The following DNAAF8 variants were observed in gnomAD, a reference collection of about 807,000 sequenced individuals.
The protein encoded by DNAAF8 is dynein axonemal assembly factor 8.
DNAAF8 carries 61 observed loss-of-function variants against 54.6 expected under a neutral mutation model. That is an observed-to-expected ratio of 1.12 (90% confidence interval 0.91 to 1.38). The LOEUF (loss-of-function observed/expected upper bound fraction) is 1.38. DNAAF8 is among the 40% of genes most tolerant of loss of function. The pLI is 0.00. For missense variants in DNAAF8, 837 were observed against 665.0 expected, an observed-to-expected ratio of 1.26 and a Z score of -2.85; for synonymous variants, 320 against 270.1, an observed-to-expected ratio of 1.18 and a Z score of -1.81.
intron 6 of DNAAF8, among the ~76,000 whole-genome samples, chr16:4,745,250 C>T (rs2081999878): frequency 6.6e-6 from 1 of 152,190 alleles, no homozygotes; most frequent in African/African-American, 2.4e-5. Flanking sequence ...CCCTCAAGTA[C>T]CTGCTCTTTC....
In DNAAF8 at chr16:4,747,596, GC is replaced by G; in HGVS notation, c.1537del (p.Leu513Ter). 6.2e-7 allele frequency: 1 copy of G among 1,609,938 alleles called. No homozygotes were observed. Among genetic ancestry groups the G allele is most frequent in the South Asian group, 1.1e-5 (1 of 90,866 alleles). On this transcript the variant is annotated frameshift_variant, in exon 9 of 10. Transcript: ENST00000299320. LOFTEE classifies it high-confidence loss of function. ...TCCTGAGCCAGGGGCAGCCAGGGAG[GC>G]CCTGATGCCTCCTCTGGAGCAACTA... is the stretch of plus-strand genomic sequence containing the variant. ...DVPEPGAAREALMPPLEQL is the reference protein window; with the variant it reads ...DVPEPGAAREXLMPPLEQL
chr16:4,747,677 A>G lies in DNAAF8; in HGVS notation c.*9+43A>G, dbSNP rs751958212. ...GTGGGCAGGGGCGGGCTGACTTGCCATGGACCCTGGGCCCCGGTGTCCCCT... is the reference window on the plus strand; with the variant it reads ...GTGGGCAGGGGCGGGCTGACTTGCCGTGGACCCTGGGCCCCGGTGTCCCCT... On this transcript the variant is annotated intron_variant, in intron 9 of 9. Coordinates refer to ENST00000299320, the MANE Select transcript of DNAAF8 (RefSeq NM_139170.3). 6.5e-6 allele frequency: 10 copies of G among 1,544,372 alleles called. No individual in the cohort carries two copies. In the South Asian group the frequency reaches 1.1e-4, roughly 17 times the overall value.
chr16:4,737,385 A>T (rs984474238), intron 2 of DNAAF8, among the ~76,000 whole-genome samples: 1 of 152,116 alleles, frequency 6.6e-6, no homozygotes, highest in Non-Finnish European at 1.5e-5. Flanking sequence ...ATGAGCCCCA[A>T]CCCCTTCAAG....
Position 4,736,497 on chromosome 16 carries a change from C to A in DNAAF8, c.-18C>A. ...GGATTATGGTGCACTGAGAAGGCAT[C>A]TGGAAGCCTGGGCCCTCATGGCATC... On this transcript the variant is annotated 5_prime_UTR_variant, in exon 2 of 10. In the 5' UTR this introduces an upstream ATG that the reference lacks. Coordinates refer to ENST00000299320, the MANE Select transcript of DNAAF8 (RefSeq NM_139170.3). 4 of 1,529,574 alleles carry A rather than the reference C, an allele frequency of 2.6e-6. No homozygotes were observed. Among genetic ancestry groups the A allele is most frequent in the Middle Eastern group, 1.7e-4 (1 of 5,756 alleles). The allele number at this position is 1,529,574 out of a possible 1,614,324, so 94.8% of individuals were successfully genotyped here. A position where few individuals can be genotyped will look rare whatever the true frequency, so the allele number is the denominator to read the frequency against.
rs559705898 is a variant in DNAAF8, at chr16:4,744,970, C to G, written c.1002C>G (p.Ala334=). The change falls in exon 6 of 10, where the codon GCC becomes GCG. Residue 334 remains alanine (A), a synonymous_variant. Transcript: ENST00000299320. ...CTGCTTGTGCCCGGAAGGTGCCTGC[C>G]GACACTCCCCAGGACACCAAAGAGG... is the stretch of plus-strand genomic sequence containing the variant. ...KASACARKVP[A]DTPQDTKEAD... is the part of the protein sequence containing the mutation. 8.1e-6 allele frequency: 13 copies of G among 1,613,832 alleles called. No individual in the cohort carries two copies. The highest frequency in any genetic ancestry group is 2.2e-5 in the East Asian group (1 of 44,886).
At position 4,736,507 on chromosome 16, in the gene DNAAF8, G is replaced by C. The variant is rs770196023; in HGVS notation, c.-8G>C. 1 of 1,540,970 alleles carries C rather than the reference G, an allele frequency of 6.5e-7. No homozygotes were observed. Among genetic ancestry groups the C allele is most frequent in the Non-Finnish European group, 8.8e-7 (1 of 1,134,828 alleles). ...GCACTGAGAAGGCATCTGGAAGCCTGGGCCCTCATGGCATCCAACGATAAA... is the reference window on the plus strand; with the variant it reads ...GCACTGAGAAGGCATCTGGAAGCCTCGGCCCTCATGGCATCCAACGATAAA... On this transcript the variant is annotated 5_prime_UTR_variant, in exon 2 of 10. Transcript: ENST00000299320.
chr16:4,746,864 C>A, intron 7 of DNAAF8, 63 bp from the exon 8 acceptor site: 1 of 1,429,314 alleles, frequency 7.0e-7, no homozygotes, highest in Non-Finnish European at 9.3e-7. Flanking sequence ...GCTTCAAGCC[C>A]CAACAAGAGT....
At chr16:4,735,422 A>T (rs1021685835) in intron 1 of DNAAF8, among the ~76,000 whole-genome samples, 1 of 151,864 alleles carries the variant, frequency 6.6e-6, no homozygotes, top group African/African-American at 2.4e-5. Context: ...CCCAATTCAC[A>T]TCTCCTGCCG....
Position 4,745,001 on chromosome 16 carries a change from T to A in DNAAF8, c.1033T>A (p.Ser345Thr). 1 of 1,613,310 alleles carries A rather than the reference T, an allele frequency of 6.2e-7. No homozygotes were observed. Among genetic ancestry groups the A allele is most frequent in the Non-Finnish European group, 8.5e-7 (1 of 1,179,424 alleles). The change falls in exon 6 of 10, where the codon TCA (serine) becomes ACA (threonine). Residue 345 changes from serine (S) to threonine (T), a missense_variant. By Grantham distance (58) the Ser-to-Thr change is moderately conservative (BLOSUM62 1). Transcript: ENST00000299320. ...TCCCCAGGACACCAAAGAGGCAGATTCAGGAAGCAGGTGGGACTTGTAGCC... is the reference window on the plus strand; with the variant it reads ...TCCCCAGGACACCAAAGAGGCAGATACAGGAAGCAGGTGGGACTTGTAGCC... The part of the protein sequence containing the change: ...DTPQDTKEAD[S>T]GSRCASRKQG...
intron 4 of DNAAF8, among the ~76,000 whole-genome samples, chr16:4,740,896 A>G (rs1363568468): frequency 1.3e-5 from 2 of 152,012 alleles, no homozygotes; most frequent in East Asian, 3.9e-4. Flanking sequence ...TTAAAGAGAG[A>G]AAAGGAGGCC....
Position 4,740,149 on chromosome 16 carries a change from A to C in DNAAF8, c.277-4A>C. Reference sequence around the variant, plus strand: ...CTAACTGAACATACCTGTTTTCTTGACAGCCAGTTCTGGTGCCTGCAGAAT... The same window carrying C: ...CTAACTGAACATACCTGTTTTCTTGCCAGCCAGTTCTGGTGCCTGCAGAAT... On this transcript the variant is annotated splice_region_variant and splice_polypyrimidine_tract_variant and intron_variant, in intron 3 of 9. Coordinates refer to ENST00000299320, the MANE Select transcript of DNAAF8 (RefSeq NM_139170.3). 1 of 1,587,606 alleles carries C rather than the reference A, an allele frequency of 6.3e-7. No individual in the cohort carries two copies. Among genetic ancestry groups the C allele is most frequent in the Non-Finnish European group, 8.6e-7 (1 of 1,164,790 alleles).
chr16:4,741,629 G>C (rs2081962232), intron 4 of DNAAF8, among the ~76,000 whole-genome samples: 4 of 152,030 alleles, frequency 2.6e-5, no homozygotes, highest in Non-Finnish European at 5.9e-5. Context: ...GTGAAACCGT[G>C]ACTCTATTAA....
At position 4,734,601 on chromosome 16, in the gene DNAAF8, G is replaced by C. The variant is rs1428583688; in HGVS notation, c.-149G>C. The stretch of plus-strand genomic sequence containing the variant: ...GAAGAAGGGGACAGCCTCTGTACCT[G>C]CGGCGCGGCCCGAGGGGCGGACGCG... On this transcript the variant is annotated 5_prime_UTR_variant, in exon 1 of 10. Coordinates refer to ENST00000299320, the MANE Select transcript of DNAAF8 (RefSeq NM_139170.3). 6.6e-6 allele frequency: 1 copy of C among 152,398 alleles called. No individual in the cohort carries two copies. Among genetic ancestry groups the C allele is most frequent in the Non-Finnish European group, 1.5e-5 (1 of 68,198 alleles). 9.4% of individuals were successfully genotyped at this position (152,398 alleles called of 1,614,324 possible).
chr16:4,739,265 G>GTTTTTTTTTTTTTTTTTTTTTTTTTTTT lies in DNAAF8; in HGVS notation c.277-867_277-866insTTTTTTTTTTTTTTTTTTTTTTTTTTTT, dbSNP rs35113323. Among the ~76,000 whole-genome samples, 28 of 69,044 alleles carry GTTTTTTTTTTTTTTTTTTTTTTTTTTTT rather than the reference G, an allele frequency of 4.1e-4. 7 individuals carry two copies. The highest frequency in any genetic ancestry group is 1.7e-3 in the East Asian group (3 of 1,780). The allele number at this position is 69,044 out of a possible 152,430, so 45.3% of individuals were successfully genotyped here. Reference sequence around the variant, plus strand: ...AAACTCTTCTGGATGATTTTTTCTTGTTTTTTTTTTTTTTTTTTTTTGTAA... The same window carrying GTTTTTTTTTTTTTTTTTTTTTTTTTTTT: ...AAACTCTTCTGGATGATTTTTTCTTGTTTTTTTTTTTTTTTTTTTTTTTTTTTTTTTTTTTTTTTTTTTTTTTTTGTAA... On this transcript the variant is annotated intron_variant, in intron 3 of 9. Transcript: ENST00000299320.
chr16:4,745,789 A>G (rs1301935556), intron 6 of DNAAF8, among the ~76,000 whole-genome samples: 2 of 152,044 alleles, frequency 1.3e-5, no homozygotes, highest in Non-Finnish European at 2.9e-5. Context: ...CATCTCTACT[A>G]AAAACACAAA....
In DNAAF8 at chr16:4,737,934, G is replaced by C. The variant is rs17137215; in HGVS notation, c.264G>C (p.Glu88Asp). The C allele has an allele frequency of 0.015, 23,819 of 1,614,170 alleles. 2,233 individuals carry two copies. In the East Asian group the frequency reaches 0.23, roughly 15 times the overall value. The change falls in exon 3 of 10, where the codon GAG becomes GAC. Residue 88 changes from glutamate to aspartate, a missense_variant. By Grantham distance (45) the Glu-to-Asp change is conservative. Coordinates refer to ENST00000299320, the MANE Select transcript of DNAAF8 (RefSeq NM_139170.3). The stretch of plus-strand genomic sequence containing the variant: ...GGGCCTGGGTCGCTGCAGCTGAAGA[G>C]TCCCTTCCCGAGGTCTGTGGGACAC... ...KSRAWVAAAE[E>D]SLPEPVLVPA...
intron 9 of DNAAF8, 178 bp from the exon 10 acceptor site, chr16:4,748,545 CTG>C (rs1236236090): frequency 6.6e-6 from 1 of 152,440 alleles, no homozygotes. Flanking sequence ...CCAGCAAAAA[CTG>C]GGGACATCTG....
At chr16:4,746,144 C>A (rs1317009763) in intron 6 of DNAAF8, 4 of 470,324 alleles carry the variant, frequency 8.5e-6, no homozygotes, top group African/African-American at 5.9e-5. Context: ...GCTACACTTA[C>A]CACAGATAGA....
Position 4,740,307 on chromosome 16 carries a change from C to T in DNAAF8, c.431C>T (p.Pro144Leu). The part of the protein sequence containing the change: ...SALLGMAEEP[P>L]RWLEGDLGSL... ...CTTCTTGGGATGGCCGAGGAGCCCC[C>T]CAGGTGGCTGGAAGGCGACCTTGGA... Residue 144 changes from proline (P) to leucine (L), a missense_variant, in exon 4 of 10, where the codon CCC (proline) becomes CTC (leucine). Transcript: ENST00000299320. 6.2e-7 allele frequency: 1 copy of T among 1,613,974 alleles called. No individual in the cohort carries two copies. The highest frequency in any genetic ancestry group is 8.5e-7 in the Non-Finnish European group (1 of 1,179,978).
Sources: allele counts gnomAD v4.1 joint callset (sites outside exome capture counted in the v4.1 genomes callset), GRCh38; gene constraint gnomAD v4.1.1; transcripts MANE v1.5; gene names NCBI Gene and HGNC (gene_info 2026-07-23, HGNC 2026-07-21).